The following ADGRL3 variants were observed in gnomAD, a reference collection of about 807,000 sequenced individuals.
The protein encoded by ADGRL3 is adhesion G protein-coupled receptor L3.
In ADGRL3, 62 loss-of-function variants were observed where a neutral mutation model predicts 153.5. The ratio of observed to expected loss-of-function variants is 0.40; its 90% CI spans 0.33 to 0.50. The LOEUF (loss-of-function observed/expected upper bound fraction) is 0.50, where lower values mean the gene tolerates loss of function less well. Among genes scored for constraint, ADGRL3 ranks in the 20% least tolerant of loss-of-function variants. The pLI, the probability that ADGRL3 is intolerant of heterozygous loss-of-function variation, is 0.47. For synonymous variants in ADGRL3, 710 were observed against 672.5 expected (o/e 1.06, Z -0.86); for missense variants, 1,641 against 1,859.4 (o/e 0.88, Z 2.16).
Position 62,070,438 on chromosome 4 carries a change from G to A in ADGRL3, c.4162G>A (p.Glu1388Lys). 6.4e-7 allele frequency: 1 copy of A among 1,551,766 alleles called. No homozygotes were observed. Among genetic ancestry groups the A allele is most frequent in the Non-Finnish European group, 8.7e-7 (1 of 1,147,016 alleles). The change falls in exon 27 of 27, where the codon GAG (glutamate) becomes AAG (lysine). Residue 1388 changes from glutamate (E) to lysine (K), a missense_variant. Physicochemically the swap from Glu to Lys is moderately conservative, Grantham distance 56. Coordinates refer to ENST00000683033, the MANE Select transcript of ADGRL3 (RefSeq NM_001387552.1). ...LDDATSFNHE[E>K]SLGLELIHEE... ...TGATGCCACCTCGTTTAACCACGAGGAGAGTTTGGGCCTGGAACTCATTCA... is the reference window on the plus strand; with the variant it reads ...TGATGCCACCTCGTTTAACCACGAGAAGAGTTTGGGCCTGGAACTCATTCA...
rs561078149 is a variant in ADGRL3 at position 61,869,596 on chromosome 4, C to A, written c.1481-23060C>A. Among the ~76,000 whole-genome samples the A allele has an allele frequency of 2.6e-5, 4 of 151,770 alleles. No homozygotes were observed. In the East Asian group the frequency reaches 5.9e-4, roughly 22 times the overall value. On this transcript the variant is annotated intron_variant, in intron 9 of 26. Transcript: ENST00000683033. ...GTCTGGCCTGGGCGACAGAGCGAGA[C>A]TCCGTCTCAAAAAAAGAAAAACAAA...
intron 2 of ADGRL3, among the ~76,000 whole-genome samples, chr4:61,433,803 A>G (rs750160064): frequency 6.6e-5 from 10 of 152,174 alleles, no homozygotes; most frequent in Non-Finnish European, 2.9e-5. Context: ...TAAACTTAAC[A>G]TTTCACAAAT....
intron 6 of ADGRL3, among the ~76,000 whole-genome samples, chr4:61,718,498 T>C (rs1701696652): frequency 6.6e-6 from 1 of 152,194 alleles, no homozygotes; most frequent in South Asian, 2.1e-4. Context: ...CTATTTGAAA[T>C]GTATTTGTTC....
At chr4:61,691,076 A>G (rs1442152967) in intron 6 of ADGRL3, among the ~76,000 whole-genome samples, 1 of 152,172 alleles carries the variant, frequency 6.6e-6, no homozygotes, top group African/African-American at 2.4e-5. Context: ...GGTAAGTGTA[A>G]AGTGAGAAAC....
intron 4 of ADGRL3, among the ~76,000 whole-genome samples, chr4:61,523,070 T>TGA (rs1443415192): frequency 6.6e-6 from 1 of 151,682 alleles, no homozygotes; most frequent in Non-Finnish European, 1.5e-5. Flanking sequence ...TGTGTGTGTG[T>TGA]GTGTCTGTGT....
chr4:61,253,371 C>T (rs1411117758), intron 1 of ADGRL3, among the ~76,000 whole-genome samples: 1 of 152,128 alleles, frequency 6.6e-6, no homozygotes, highest in Non-Finnish European at 1.5e-5. Flanking sequence ...ACATTCATTA[C>T]CAGACCCCTT....
At chr4:62,063,290 T>G (rs1218126312) in intron 25 of ADGRL3, among the ~76,000 whole-genome samples, 4 of 152,130 alleles carry the variant, frequency 2.6e-5, no homozygotes, top group African/African-American at 9.6e-5. Context: ...ATCAACATTG[T>G]AAATCATTTT....
chr4:61,385,983 C>T (rs1356948657), intron 2 of ADGRL3, among the ~76,000 whole-genome samples: 1 of 152,086 alleles, frequency 6.6e-6, no homozygotes, highest in Non-Finnish European at 1.5e-5. Flanking sequence ...TCTGTGAGTG[C>T]TATTTTCATC....
intron 3 of ADGRL3, among the ~76,000 whole-genome samples, chr4:61,500,015 TAC>T (rs1307550119): frequency 1.2e-5 from 1 of 81,276 alleles, no homozygotes; most frequent in African/African-American, 4.7e-5. Flanking sequence ...CACACACACA[TAC>T]ACACACAGAA....
At chr4:61,233,528 C>T (rs553253962) in intron 1 of ADGRL3, among the ~76,000 whole-genome samples, 46 of 152,004 alleles carry the variant, frequency 3.0e-4, no homozygotes, top group African/African-American at 9.4e-4. Context: ...AACAGGCAGT[C>T]GAGGAGGCTT....
chr4:61,740,410 A>G (rs76108238), intron 8 of ADGRL3, among the ~76,000 whole-genome samples: 13,225 of 152,136 alleles, frequency 0.087, 1,221 homozygotes, highest in African/African-American at 0.23. Flanking sequence ...TGCATCACTT[A>G]CCTTTAGCTA....
intron 8 of ADGRL3, among the ~76,000 whole-genome samples, chr4:61,754,359 T>G (rs1201519429): frequency 6.6e-6 from 1 of 152,042 alleles, no homozygotes; most frequent in Non-Finnish European, 1.5e-5. Flanking sequence ...CAAATAAATA[T>G]TTTATTTTTC....
chr4:61,429,885 A>G (rs959514368), intron 2 of ADGRL3, among the ~76,000 whole-genome samples: 3 of 152,158 alleles, frequency 2.0e-5, no homozygotes, highest in Admixed American at 6.5e-5. Context: ...CACAGATGTC[A>G]TAATAAAATA....
At chr4:61,639,041 C>T (rs2093552394) in intron 5 of ADGRL3, among the ~76,000 whole-genome samples, 1 of 152,154 alleles carries the variant, frequency 6.6e-6, no homozygotes, top group Admixed American at 6.6e-5. Flanking sequence ...TGTACTCCCA[C>T]ATCCCTCAAC....
chr4:61,642,400 C>T (rs2093723872), intron 5 of ADGRL3, among the ~76,000 whole-genome samples: 2 of 152,126 alleles, frequency 1.3e-5, no homozygotes, highest in Non-Finnish European at 2.9e-5. Context: ...AGGTTTTCTT[C>T]TAGGGTTTTT....
intron 17 of ADGRL3, among the ~76,000 whole-genome samples, chr4:61,973,582 T>A (rs1241723025): frequency 1.3e-5 from 2 of 152,180 alleles, no homozygotes. Flanking sequence ...TCATTCAATT[T>A]TCTGAAACTA....
At chr4:61,642,047 G>C (rs1034653511) in intron 5 of ADGRL3, among the ~76,000 whole-genome samples, 1 of 150,402 alleles carries the variant, frequency 6.6e-6, no homozygotes, top group Non-Finnish European at 1.5e-5. Flanking sequence ...GTGATGATGA[G>C]CATTTTTTCA....
At chr4:61,252,058 AT>A (rs1442061450) in intron 1 of ADGRL3, among the ~76,000 whole-genome samples, 29 of 151,670 alleles carry the variant, frequency 1.9e-4, no homozygotes, top group African/African-American at 7.0e-4. Flanking sequence ...TAATTTTTGT[AT>A]TTTTAGTAGA....
intron 1 of ADGRL3, among the ~76,000 whole-genome samples, chr4:61,334,610 G>T (rs933944842): frequency 2.0e-5 from 3 of 152,112 alleles, no homozygotes; most frequent in South Asian, 2.1e-4. Context: ...TCTAAGTGAG[G>T]TTTCTCTAGC....
Sources: allele counts gnomAD v4.1 joint callset (sites outside exome capture counted in the v4.1 genomes callset), GRCh38; gene constraint gnomAD v4.1.1; transcripts MANE v1.5; gene names NCBI Gene and HGNC (gene_info 2026-07-23, HGNC 2026-07-21).